The following KALRN variants were observed in gnomAD, a reference collection of about 807,000 sequenced individuals.
The protein encoded by KALRN is kalirin.
KALRN carries 70 observed loss-of-function variants against 353.7 expected under a neutral mutation model. The ratio of observed to expected loss-of-function variants is 0.20; its 90% CI spans 0.16 to 0.24. KALRN has a LOEUF of 0.24. Ranked by LOEUF, KALRN falls within the 10% of genes least tolerant of loss-of-function variation. KALRN has a pLI of 1.00. For synonymous variants in KALRN, 1,391 were observed against 1,434.8 expected (o/e 0.97, Z 0.69); for missense variants, 2,791 against 3,756.7 (o/e 0.74, Z 6.72).
intron 1 of KALRN, among the ~76,000 whole-genome samples, chr3:124,169,445 T>C (rs1432461568): frequency 4.6e-5 from 7 of 152,064 alleles, no homozygotes; most frequent in Admixed American, 1.3e-4. Flanking sequence ...GTGGTTGATG[T>C]TTTGGTAGCT....
Position 124,268,743 on chromosome 3 carries a change from A to T in KALRN, c.457A>T (p.Thr153Ser), listed in dbSNP as rs774614237. ...CCTTGTCTGTGTCTGCCCCTTCCAG[A>T]CGAGCATGGTATCTGTGGAGGGCCT... ...NFGSSKFIFE[T>S]SMVSVEGLTK... The change falls in exon 5 of 60, where the codon ACG becomes TCG. Residue 153 changes from threonine (T) to serine (S), a missense_variant and splice_region_variant. Transcript: ENST00000682506. 2 of 1,613,734 alleles carry T rather than the reference A, an allele frequency of 1.2e-6. No individual in the cohort carries two copies. Among genetic ancestry groups the T allele is most frequent in the East Asian group, 4.5e-5 (2 of 44,852 alleles).
intron 6 of KALRN, among the ~76,000 whole-genome samples, chr3:124,317,560 T>A (rs2078924013): frequency 6.6e-6 from 1 of 152,100 alleles, no homozygotes; most frequent in African/African-American, 2.4e-5. Flanking sequence ...GCAGAGATTC[T>A]CAAACATTAA....
rs547286690 is a variant in KALRN at position 124,667,047 on chromosome 3, T to C, written c.6567T>C (p.Asn2189=). The change falls in exon 47 of 60, where the codon AAT becomes AAC. Residue 2189 remains asparagine, a synonymous_variant. Transcript: ENST00000682506. ...NYLVLEENVD[N]DPCKFALMNR... is the part of the protein sequence containing the mutation. The stretch of plus-strand genomic sequence containing the variant: ...TGGTCCTGGAGGAGAATGTGGACAA[T>C]GATCCCTGCAAGTTTGCACTCATGA... 1.2e-6 allele frequency: 2 copies of C among 1,613,622 alleles called. No homozygotes were observed. Among genetic ancestry groups the C allele is most frequent in the East Asian group, 2.2e-5 (1 of 44,870 alleles).
At chr3:124,511,246 T>A (rs1220399321) in intron 33 of KALRN, among the ~76,000 whole-genome samples, 1 of 152,174 alleles carries the variant, frequency 6.6e-6, no homozygotes. Context: ...AGTTGAACAC[T>A]CTCTGTTCCT....
rs777885226 is a variant in KALRN, at chr3:124,347,155, A to G, written c.1660A>G (p.Ile554Val). ...QQDVQQVLDW[I>V]ENHGEAFLSK... is the part of the protein sequence containing the mutation. The stretch of plus-strand genomic sequence containing the variant: ...CTTCTTTGACCAGGTGTTGGACTGG[A>G]TTGAAAACCATGGTGAGGCCTTTCT... The change falls in exon 10 of 60, where the codon ATT becomes GTT. Residue 554 changes from isoleucine (I) to valine (V), a missense_variant. By Grantham distance (29) the Ile-to-Val change is conservative. This residue lies in a region of KALRN where 15 missense variants were observed against 54.6 expected (regional missense o/e 0.27). Transcript: ENST00000682506. 7.1e-5 allele frequency: 114 copies of G among 1,613,970 alleles called. No homozygotes were observed. Among genetic ancestry groups the G allele is most frequent in the Non-Finnish European group, 8.2e-5 (97 of 1,180,002 alleles).
At chr3:124,439,198 T>TCA (rs1220555173) in intron 18 of KALRN, among the ~76,000 whole-genome samples, 161 bp downstream of exon 18, 240 of 125,520 alleles carry the variant, frequency 1.9e-3, no homozygotes, top group African/African-American at 7.0e-3. Flanking sequence ...TCTCTCTCTC[T>TCA]CTCACACACA....
At chr3:124,205,768 G>A (rs2076359605) in intron 1 of KALRN, among the ~76,000 whole-genome samples, 2 of 152,190 alleles carry the variant, frequency 1.3e-5, no homozygotes, top group Admixed American at 6.5e-5. Flanking sequence ...AAATTTACCT[G>A]ATACTTTCAC....
chr3:124,180,625 C>A (rs112944218), intron 1 of KALRN, among the ~76,000 whole-genome samples: 4,635 of 152,184 alleles, frequency 0.03, 236 homozygotes, highest in African/African-American at 0.1. Flanking sequence ...CAGAAGAGGA[C>A]CTCCCTCGTT....
intron 33 of KALRN, among the ~76,000 whole-genome samples, chr3:124,537,944 A>G (rs894928606): frequency 6.6e-6 from 1 of 152,242 alleles, no homozygotes; most frequent in Non-Finnish European, 1.5e-5. Flanking sequence ...TAAAGAATGT[A>G]AAGGGTTTAG....
chr3:124,496,262 A>G (rs374878764), intron 32 of KALRN, 49 bp from the exon 33 acceptor site: 2 of 1,406,212 alleles, frequency 1.4e-6, no homozygotes, highest in African/African-American at 1.4e-5. Context: ...CTAAACCCAC[A>G]GTGGTTCCCC....
intron 14 of KALRN, among the ~76,000 whole-genome samples, chr3:124,416,221 C>T (rs1312328660): frequency 6.6e-6 from 1 of 152,224 alleles, no homozygotes; most frequent in African/African-American, 2.4e-5. Flanking sequence ...GCAGCACTTA[C>T]TACCGGGGTG....
intron 37 of KALRN, among the ~76,000 whole-genome samples, chr3:124,646,391 C>CTTTATTTTTTTTTTTTT (rs2082718731): frequency 9.1e-6 from 1 of 110,492 alleles, no homozygotes; most frequent in African/African-American, 3.4e-5. Flanking sequence ...CTTTTGTTTA[C>CTTTATTTTTTTTTTTTT]TTTTTTTTTT....
intron 49 of KALRN, among the ~76,000 whole-genome samples, chr3:124,676,505 C>T (rs1385573492): frequency 5.3e-5 from 8 of 152,146 alleles, no homozygotes; most frequent in Non-Finnish European, 7.4e-5. Context: ...ACCATGATGA[C>T]GAGTTCTTCT....
At chr3:124,377,637 G>A (rs977748981) in intron 10 of KALRN, among the ~76,000 whole-genome samples, 2 of 152,060 alleles carry the variant, frequency 1.3e-5, no homozygotes, top group Non-Finnish European at 2.9e-5. Flanking sequence ...CTGAGAGGGG[G>A]CATAGAATCT....
chr3:124,283,336 A>C (rs1228390427), intron 5 of KALRN, among the ~76,000 whole-genome samples: 4 of 152,156 alleles, frequency 2.6e-5, no homozygotes, highest in Non-Finnish European at 1.5e-5. Context: ...GTTGGGCATT[A>C]TTTTCTCAGC....
At chr3:124,396,396 C>T (rs1479465706) in intron 12 of KALRN, among the ~76,000 whole-genome samples, 1 of 152,214 alleles carries the variant, frequency 6.6e-6, no homozygotes, top group Non-Finnish European at 1.5e-5. Context: ...CCTCCTATTG[C>T]ATGCTAACAA....
At position 124,671,723 on chromosome 3, in the gene KALRN, C is replaced by T; in HGVS notation, c.6767C>T (p.Pro2256Leu). Residue 2256 changes from proline to leucine, a missense_variant, in exon 48 of 60, where the codon CCT (proline) becomes CTT (leucine). Physicochemically the swap from Pro to Leu is moderately conservative, Grantham distance 98. Transcript: ENST00000682506. The stretch of plus-strand genomic sequence containing the variant: ...AGCACAGCTGTGATGAGGTCTCAAC[C>T]TGCCAGGCTTCCCCAAGCCAGCCCC... ...ERSTAVMRSQ[P>L]ARLPQASPRP... is the part of the protein sequence containing the mutation. The T allele has an allele frequency of 1.2e-6, 2 of 1,614,150 alleles. No individual in the cohort carries two copies. Among genetic ancestry groups the T allele is most frequent in the Non-Finnish European group, 1.7e-6 (2 of 1,180,022 alleles).
chr3:124,088,471 G>A lies in KALRN; in HGVS notation c.73+54658G>A, dbSNP rs183211957. On this transcript the variant is annotated intron_variant, in intron 1 of 59. Coordinates refer to ENST00000682506, the MANE Select transcript of KALRN (RefSeq NM_001388419.1). ...GGTAGAGAAGCCTGGGAAACTTGGA[G>A]TAGTGACTTGACTTTAACTCTGGTC... Among the ~76,000 whole-genome samples the A allele has an allele frequency of 3.9e-3, 594 of 152,332 alleles. 12 individuals are homozygous for A. The highest frequency in any genetic ancestry group is 1.1e-3 in the Non-Finnish European group (74 of 68,032).
chr3:124,111,336 A>G (rs1295566761), intron 1 of KALRN, among the ~76,000 whole-genome samples: 2 of 152,208 alleles, frequency 1.3e-5, no homozygotes, highest in Non-Finnish European at 1.5e-5. Context: ...GATGTCCTCC[A>G]GGAGATGTTT....
Sources: allele counts gnomAD v4.1 joint callset (sites outside exome capture counted in the v4.1 genomes callset), GRCh38; gene constraint gnomAD v4.1.1; regional missense constraint gnomAD v4.1.1; transcripts MANE v1.5; gene names NCBI Gene and HGNC (gene_info 2026-07-23, HGNC 2026-07-21).